The following WDR41 variants were observed in gnomAD, a reference collection of about 807,000 sequenced individuals.
WDR41 encodes WD repeat-containing protein 41.
Under a neutral mutation model 69.3 loss-of-function variants are expected in WDR41, and 63 were observed. The observed-to-expected ratio is 0.91, with a 90% CI of 0.74 to 1.12. WDR41 has a LOEUF of 1.12. WDR41 is among the 50% of genes most tolerant of loss of function. WDR41 has a pLI of 0.00. For missense variants in WDR41, 543 were observed against 534.5 expected, an observed-to-expected ratio of 1.02 and a Z score of -0.16; for synonymous variants, 185 against 192.1, an observed-to-expected ratio of 0.96 and a Z score of 0.31.
chr5:77,610,362 C>A (rs1580051690), intron 1 of WDR41, among the ~76,000 whole-genome samples: 1 of 152,134 alleles, frequency 6.6e-6, no homozygotes, highest in Admixed American at 6.5e-5. Context: ...GTCAGATTCA[C>A]CAAACTTGAA....
At chr5:77,540,747 G>A (rs529964145) in intron 1 of WDR41, among the ~76,000 whole-genome samples, 2 of 128,020 alleles carry the variant, frequency 1.6e-5, no homozygotes, top group South Asian at 2.6e-4. Context: ...GGGAGGGAGG[G>A]AGGAAGGAAG....
intron 1 of WDR41, among the ~76,000 whole-genome samples, chr5:77,601,168 C>G (rs985725485): frequency 6.6e-6 from 1 of 152,010 alleles, no homozygotes; most frequent in African/African-American, 2.4e-5. Context: ...AAATAATAAA[C>G]TTTGGGGAAT....
At chr5:77,535,879 C>T (rs1742963306) in intron 1 of WDR41, among the ~76,000 whole-genome samples, 1 of 152,162 alleles carries the variant, frequency 6.6e-6, no homozygotes, top group South Asian at 2.1e-4. Context: ...TGGTGTAAGA[C>T]AATCTTAGCT....
intron 1 of WDR41, among the ~76,000 whole-genome samples, chr5:77,558,436 G>A (rs373977514): frequency 3.2e-4 from 48 of 152,286 alleles, no homozygotes; most frequent in Middle Eastern, 3.4e-3. Context: ...TGGAGGCAGA[G>A]CAGATTGCCG....
chr5:77,485,948 A>C (rs1801501062), intron 2 of WDR41, among the ~76,000 whole-genome samples: 1 of 151,982 alleles, frequency 6.6e-6, no homozygotes, highest in South Asian at 2.1e-4. Context: ...ACAGCTGACC[A>C]AAAAAAACCC....
chr5:77,551,806 C>T (rs1332745278), intron 1 of WDR41, among the ~76,000 whole-genome samples: 3 of 150,516 alleles, frequency 2.0e-5, no homozygotes, highest in Non-Finnish European at 3.0e-5. Context: ...GGTGAAACCC[C>T]TTCTCTACTA....
intron 1 of WDR41, among the ~76,000 whole-genome samples, chr5:77,598,657 T>TTC (rs1464522897): frequency 1.1e-5 from 1 of 88,578 alleles, no homozygotes; most frequent in African/African-American, 3.1e-5. Context: ...TTTTTTTTTG[T>TTC]TTTTTTTGTA....
intron 7 of WDR41, 70 bp downstream of exon 7, chr5:77,451,221 C>T: frequency 6.8e-7 from 1 of 1,466,872 alleles, no homozygotes; most frequent in South Asian, 1.2e-5. Context: ...TAAAAAATTA[C>T]TTTAGTCCTT....
At chr5:77,577,129 A>G (rs1222184212) in intron 1 of WDR41, among the ~76,000 whole-genome samples, 2 of 152,112 alleles carry the variant, frequency 1.3e-5, no homozygotes, top group Non-Finnish European at 2.9e-5. Context: ...AATTTCTTTC[A>G]TATTCTCAGG....
chr5:77,459,552 T>C (rs1799957383), intron 4 of WDR41, among the ~76,000 whole-genome samples: 1 of 152,198 alleles, frequency 6.6e-6, no homozygotes, highest in African/African-American at 2.4e-5. Context: ...TTTACTACTG[T>C]TATCTTGATT....
chr5:77,541,305 A>G (rs562834810), intron 1 of WDR41, among the ~76,000 whole-genome samples: 1 of 152,284 alleles, frequency 6.6e-6, no homozygotes, highest in East Asian at 1.9e-4. Context: ...ACATGAACAG[A>G]CACTTCTCAA....
Position 77,492,174 on chromosome 5 carries a change from G to C in WDR41, c.47C>G (p.Ala16Gly). 1 of 1,612,030 alleles carries C rather than the reference G, an allele frequency of 6.2e-7. No individual in the cohort carries two copies. The highest frequency in any genetic ancestry group is 8.5e-7 in the Non-Finnish European group (1 of 1,179,316). The change falls in exon 1 of 13, where the codon GCC (alanine) becomes GGC (glycine). Residue 16 changes from alanine (A) to glycine (G), a missense_variant. Coordinates refer to ENST00000296679, the MANE Select transcript of WDR41 (RefSeq NM_018268.4). ...GCAGACCCACCCGGGGTTTACCTCGGCCAGTCCCTGCGGTTCTCGGCCTCC... is the reference window on the plus strand; with the variant it reads ...GCAGACCCACCCGGGGTTTACCTCGCCCAGTCCCTGCGGTTCTCGGCCTCC... The part of the protein sequence containing the change: ...IGGGREPQGL[A>G]EKSPLQTIGE...
At chr5:77,438,197 G>A (rs202233268) in intron 10 of WDR41, 43 bp downstream of exon 10, 4 of 1,611,878 alleles carry the variant, frequency 2.5e-6, no homozygotes, top group South Asian at 1.1e-5. Flanking sequence ...CCTGGGAACT[G>A]TGACTTGCTT....
intron 4 of WDR41, among the ~76,000 whole-genome samples, chr5:77,461,834 T>TAAA (rs547738918): frequency 7.3e-6 from 1 of 137,438 alleles, no homozygotes. Context: ...AGATTCTGTC[T>TAAA]AAAAAAAAAA....
intron 1 of WDR41, among the ~76,000 whole-genome samples, chr5:77,600,921 C>CTGTGCGTA (rs1744311265): frequency 9.4e-6 from 1 of 106,392 alleles, no homozygotes; most frequent in Non-Finnish European, 2.0e-5. Context: ...TTATCTAACT[C>CTGTGCGTA]TGTGTGTATG....
chr5:77,604,581 G>A (rs1260792036), intron 1 of WDR41, among the ~76,000 whole-genome samples: 3 of 152,192 alleles, frequency 2.0e-5, no homozygotes, highest in Non-Finnish European at 2.9e-5. Flanking sequence ...TGTGGAGGAT[G>A]TTTTGACATT....
chr5:77,518,049 T>C (rs13183226), intron 1 of WDR41, among the ~76,000 whole-genome samples: 74,689 of 151,908 alleles, frequency 0.49, 19,657 homozygotes, highest in African/African-American at 0.69. Context: ...AAGTGTTGCA[T>C]TGTAACCACT....
In WDR41 at chr5:77,492,244, C is replaced by A. The variant is rs772661230; in HGVS notation, c.-24G>T. The A allele has an allele frequency of 6.2e-7, 1 of 1,611,660 alleles. No homozygotes were observed. The highest frequency in any genetic ancestry group is 8.5e-7 in the Non-Finnish European group (1 of 1,179,312). ...ATCCGGGCAGCGGCGGCGTCTTGCC[C>A]GGTCCAGCCCCAGTCAGCCCAAACT... On this transcript the variant is annotated 5_prime_UTR_variant, in exon 1 of 13. Transcript: ENST00000296679.
At chr5:77,549,583 TGAG>T (rs1178633750) in intron 1 of WDR41, among the ~76,000 whole-genome samples, 8 of 152,108 alleles carry the variant, frequency 5.3e-5, no homozygotes, top group Admixed American at 2.6e-4. Context: ...AAGATCTCTA[TGAG>T]GAGAACTACA....
Sources: allele counts gnomAD v4.1 joint callset (sites outside exome capture counted in the v4.1 genomes callset), GRCh38; gene constraint gnomAD v4.1.1; transcripts MANE v1.5; gene names NCBI Gene and HGNC (gene_info 2026-07-23, HGNC 2026-07-21).